RHOT2: variants seen among roughly 807,000 people sequenced by gnomAD.
RHOT2 encodes the protein mitochondrial Rho GTPase 2.
A neutral mutation model predicts 81.6 loss-of-function variants in RHOT2; 90 were observed. That is an observed-to-expected ratio of 1.10 (90% CI 0.93 to 1.31). RHOT2 has a LOEUF of 1.31. Ranked by LOEUF, RHOT2 falls within the 40% of genes most tolerant of loss-of-function variation. RHOT2 has a pLI of 0.00. For missense variants in RHOT2, 1,014 were observed against 841.9 expected (o/e 1.20, Z -2.53); for synonymous variants, 512 against 370.9 (o/e 1.38, Z -4.37).
rs747582230 is a variant in RHOT2, at chr16:672,173, C to G, written c.1187C>G (p.Ala396Gly). The change falls in exon 14 of 19, where the codon GCC becomes GGC. Residue 396 changes from alanine to glycine, a missense_variant. Transcript: ENST00000315082. ...CTCTGTGAGCAGGACCAGGCCCATG[C>G]CATCACAGGTAGGCACCCACCCTCC... is the stretch of plus-strand genomic sequence containing the variant. Reference protein sequence around the residue: ...PTLCEQDQAHAITVTREKRLD... With the variant: ...PTLCEQDQAHGITVTREKRLD... 2.5e-6 allele frequency: 4 copies of G among 1,612,736 alleles called. No homozygotes were observed. The highest frequency in any genetic ancestry group is 2.5e-6 in the Non-Finnish European group (3 of 1,179,950).
intron 18 of RHOT2, 47 bp from the exon 19 acceptor site, chr16:673,432 TG>T: frequency 6.2e-7 from 1 of 1,610,984 alleles, no homozygotes; most frequent in South Asian, 1.1e-5. Context: ...AGCAGCAAGC[TG>T]GGGGCATGTG....
At chr16:669,300 C>T (rs936740974) in intron 4 of RHOT2, 5 of 569,842 alleles carry the variant, frequency 8.8e-6, no homozygotes, top group African/African-American at 3.8e-5. Flanking sequence ...CCTGCACTGG[C>T]AGTGGGCGGG....
chr16:673,826 G>A lies in RHOT2; in HGVS notation c.*220G>A, dbSNP rs2039348068. The A allele has an allele frequency of 4.6e-6, 3 of 649,096 alleles. No homozygotes were observed. The highest frequency in any genetic ancestry group is 8.0e-4 in the Middle Eastern group (2 of 2,496). 40.2% of individuals were successfully genotyped at this position (649,096 alleles called of 1,614,324 possible). A position where few individuals can be genotyped will look rare whatever the true frequency, so the allele number is the denominator to read the frequency against. On this transcript the variant is annotated 3_prime_UTR_variant, in exon 19 of 19. Coordinates refer to ENST00000315082, the MANE Select transcript of RHOT2 (RefSeq NM_138769.3). ...CCCCCAGGGTGGGCCGTGGCAGGTG[G>A]CTGAGCAGGAGCTCCCAAGTGCCGG...
chr16:672,057 CTG>C (rs753043497), intron 13 of RHOT2, 25 bp from the exon 14 acceptor site: 22 of 1,612,330 alleles, frequency 1.4e-5, no homozygotes, highest in East Asian at 4.5e-5. Flanking sequence ...CACCATAACA[CTG>C]TGCCTGCCTC....
rs1256258860 is a variant in RHOT2 at position 672,066 on chromosome 16, C to T, written c.1098-18C>T. On this transcript the variant is annotated intron_variant, in intron 13 of 18. Coordinates refer to ENST00000315082, the MANE Select transcript of RHOT2 (RefSeq NM_138769.3). ...CCTCCCCACCATAACACTGTGCCTG[C>T]CTCCCGCCCACCCCCAGCCTGGTGA... 2 of 1,612,128 alleles carry T rather than the reference C, an allele frequency of 1.2e-6. No individual in the cohort carries two copies. Among genetic ancestry groups the T allele is most frequent in the Admixed American group, 1.7e-5 (1 of 59,988 alleles).
At position 671,956 on chromosome 16, in the gene RHOT2, A is replaced by G. The variant is rs1329902857; in HGVS notation, c.1051A>G (p.Thr351Ala). The G allele has an allele frequency of 6.2e-7, 1 of 1,612,214 alleles. No homozygotes were observed. The highest frequency in any genetic ancestry group is 1.7e-5 in the Admixed American group (1 of 59,996). Residue 351 changes from threonine (T) to alanine (A), a missense_variant, in exon 13 of 19, where the codon ACA (threonine) becomes GCA (alanine). By Grantham distance (58) the Thr-to-Ala change is moderately conservative. Coordinates refer to ENST00000315082, the MANE Select transcript of RHOT2 (RefSeq NM_138769.3). ...CCCCGAGCTCCCACGCACAGTCCGCACAGAGGCCGGCCGGTTGCCCCTGCA... is the reference window on the plus strand; with the variant it reads ...CCCCGAGCTCCCACGCACAGTCCGCGCAGAGGCCGGCCGGTTGCCCCTGCA... ...WGPELPRTVR[T>A]EAGRLPLHGY...
chr16:672,076 AC>A lies in RHOT2; in HGVS notation c.1098-3del. The A allele has an allele frequency of 6.9e-7, 1 of 1,447,000 alleles. No homozygotes were observed. Among genetic ancestry groups the A allele is most frequent in the Non-Finnish European group, 9.2e-7 (1 of 1,082,070 alleles). The allele number at this position is 1,447,000 out of a possible 1,614,324, so 89.6% of individuals were successfully genotyped here. On this transcript the variant is annotated splice_region_variant and splice_polypyrimidine_tract_variant and intron_variant, in intron 13 of 18. Transcript: ENST00000315082. ...ATAACACTGTGCCTGCCTCCCGCCC[AC>A]CCCCAGCCTGGTGACCTACCTGGAC...
Position 670,772 on chromosome 16 carries a change from A to G in RHOT2, c.638A>G (p.Gln213Arg), listed in dbSNP as rs375227405. Reference sequence around the variant, plus strand: ...AGTGACGAAGAGCTCAACGCTTTCCAGGTGTGCCCCTGCCCCACCCTCGGT... The same window carrying G: ...AGTGACGAAGAGCTCAACGCTTTCCGGGTGTGCCCCTGCCCCACCCTCGGT... ...ALSDEELNAF[Q>R]KSCFGHPLAP... The change falls in exon 9 of 19, where the codon CAG becomes CGG. Residue 213 changes from glutamine (Q) to arginine (R), a missense_variant and splice_region_variant. By Grantham distance (43) the Gln-to-Arg change is conservative (BLOSUM62 1). Coordinates refer to ENST00000315082, the MANE Select transcript of RHOT2 (RefSeq NM_138769.3). 38 of 1,611,692 alleles carry G rather than the reference A, an allele frequency of 2.4e-5. No homozygotes were observed. The highest frequency in any genetic ancestry group is 3.3e-5 in the Admixed American group (2 of 60,000).
At position 670,939 on chromosome 16, in the gene RHOT2, G is replaced by T; in HGVS notation, c.687G>T (p.Val229=). 1 of 1,569,790 alleles carries T rather than the reference G, an allele frequency of 6.4e-7. No individual in the cohort carries two copies. Among genetic ancestry groups the T allele is most frequent in the Non-Finnish European group, 8.7e-7 (1 of 1,155,132 alleles). Residue 229 remains valine, a synonymous_variant, in exon 10 of 19, where the codon GTG becomes GTT. Transcript: ENST00000315082. The part of the protein sequence containing the change: ...HPLAPQALED[V]KTVVCRNVAG... ...TGGCCCCGCAGGCCCTGGAGGACGTGAAGACGGTGGTGTGCAGGAACGTGG... is the reference window on the plus strand; with the variant it reads ...TGGCCCCGCAGGCCCTGGAGGACGTTAAGACGGTGGTGTGCAGGAACGTGG...
Position 670,879 on chromosome 16 carries a change from C to G in RHOT2, c.640-13C>G, listed in dbSNP as rs1468143575. ...TGGCTGGCTGACTCCCAACAACGTT[C>G]TCTCGGAAGCAGAAATCCTGCTTTG... On this transcript the variant is annotated splice_polypyrimidine_tract_variant and intron_variant, in intron 9 of 18. Transcript: ENST00000315082. The G allele has an allele frequency of 2.5e-6, 4 of 1,579,950 alleles. No homozygotes were observed. The highest frequency in any genetic ancestry group is 3.5e-6 in the Non-Finnish European group (4 of 1,158,812).
chr16:672,367 C>T lies in RHOT2; in HGVS notation c.1309C>T (p.Leu437Phe), dbSNP rs767192667. 2 of 1,610,736 alleles carry T rather than the reference C, an allele frequency of 1.2e-6. No individual in the cohort carries two copies. The highest frequency in any genetic ancestry group is 1.7e-5 in the Admixed American group (1 of 59,866). Residue 437 changes from leucine to phenylalanine, a missense_variant, in exon 15 of 19, where the codon CTC becomes TTC. Physicochemically the swap from Leu to Phe is conservative, Grantham distance 22. Coordinates refer to ENST00000315082, the MANE Select transcript of RHOT2 (RefSeq NM_138769.3). ...CAAGTCTGCCTTCCTGCAGGCCTTT[C>T]TCGGCCGCGGCCTGGGGGTAAGCAC... ...VGKSAFLQAF[L>F]GRGLGHQDTR... is the part of the protein sequence containing the mutation.
At chr16:671,803 T>C in intron 12 of RHOT2, 22 bp downstream of exon 12, 20 of 1,307,986 alleles carry the variant, frequency 1.5e-5, no homozygotes, top group South Asian at 2.3e-5. Flanking sequence ...GCGAGTCCCC[T>C]GCCCCTGCCC....
chr16:669,868 A>G, intron 5 of RHOT2: 1 of 613,200 alleles, frequency 1.6e-6, no homozygotes, highest in South Asian at 2.0e-5. Flanking sequence ...GGGGACCCGC[A>G]GAGGGCCTGC....
At position 670,321 on chromosome 16, in the gene RHOT2, C is replaced by G. The variant is rs147349649; in HGVS notation, c.402C>G (p.Ile134Met). ...GCTCCATGGAGGCCGTGCTCCCCAT[C>G]ATGAGCCAGTTTCCCGAGATTGAGA... ...SGSSMEAVLP[I>M]MSQFPEIETC... The change falls in exon 7 of 19, where the codon ATC (isoleucine) becomes ATG (methionine). Residue 134 changes from isoleucine to methionine, a missense_variant. Physicochemically the swap from Ile to Met is conservative, Grantham distance 10. Transcript: ENST00000315082. 2.2e-4 allele frequency: 349 copies of G among 1,612,868 alleles called. 1 individual carries two copies. The African/African-American group carries it at 3.7e-3, about 17-fold the overall frequency.
At chr16:671,529 T>G (rs1471862819) in intron 11 of RHOT2, among the ~76,000 whole-genome samples, 168 bp from the exon 12 acceptor site, 1 of 152,066 alleles carries the variant, frequency 6.6e-6, no homozygotes, top group Non-Finnish European at 1.5e-5. Context: ...TGGAGCCAGG[T>G]GGGCACCCTC....
intron 5 of RHOT2, 43 bp from the exon 6 acceptor site, chr16:670,080 G>C (rs2038658145): frequency 1.3e-6 from 2 of 1,520,438 alleles, no homozygotes; most frequent in East Asian, 4.6e-5. Context: ...GGAGCCATGT[G>C]CCCGCGGGCA....
Position 673,789 on chromosome 16 carries a change from G to GT in RHOT2, c.*183_*184insT. 1 of 776,966 alleles carries GT rather than the reference G, an allele frequency of 1.3e-6. No individual in the cohort carries two copies. The highest frequency in any genetic ancestry group is 2.8e-5 in the East Asian group (1 of 36,320). The allele number at this position is 776,966 out of a possible 1,614,324, so 48.1% of individuals were successfully genotyped here. ...CCTTATGCTGCCATGCACTGCCCTGGCTCCTGCCGGACCCCCAGGGTGGGC... is the reference window on the plus strand; with the variant it reads ...CCTTATGCTGCCATGCACTGCCCTGGTCTCCTGCCGGACCCCCAGGGTGGGC... On this transcript the variant is annotated 3_prime_UTR_variant, in exon 19 of 19. Transcript: ENST00000315082.
chr16:673,361 G>C (rs1354448091), intron 18 of RHOT2, 119 bp from the exon 19 acceptor site: 2 of 1,479,316 alleles, frequency 1.4e-6, no homozygotes, highest in East Asian at 4.5e-5. Context: ...CACCGGCTGT[G>C]CCTCTGGTCT....
At chr16:669,654 G>T in intron 5 of RHOT2, 48 bp downstream of exon 5, 1 of 1,584,476 alleles carries the variant, frequency 6.3e-7, no homozygotes, top group Non-Finnish European at 8.6e-7. Flanking sequence ...GTGGCCGGTG[G>T]TGGCCCAGGT....
Sources: allele counts gnomAD v4.1 joint callset (sites outside exome capture counted in the v4.1 genomes callset), GRCh38; gene constraint gnomAD v4.1.1; transcripts MANE v1.5; gene names NCBI Gene and HGNC (gene_info 2026-07-23, HGNC 2026-07-21).